Variants in CYYR1 observed in about 807,000 individuals in gnomAD.
CYYR1 encodes the protein cysteine and tyrosine rich 1, also known as cysteine and tyrosine-rich protein 1.
Under a neutral mutation model 15.2 loss-of-function variants are expected in CYYR1, and 14 were observed. The ratio of observed to expected loss-of-function variants is 0.92; its 90% confidence interval spans 0.61 to 1.44. CYYR1 has a LOEUF of 1.44. Ranked by LOEUF, CYYR1 falls within the 40% of genes most tolerant of loss-of-function variation. The pLI is 0.00. For synonymous variants in CYYR1, 80 were observed against 77.4 expected (o/e 1.03, Z -0.18); for missense variants, 228 against 209.5 (o/e 1.09, Z -0.54).
Position 26,525,476 on chromosome 21 carries a change from C to T in CYYR1, c.176+40790G>A, listed in dbSNP as rs1302458640. ...GAGCTGAGGACTTTGGAATTTAGTT[C>T]CTGCTGCCCCTGCCGCCTTCCTTCC... On this transcript the variant is annotated intron_variant, in intron 2 of 3. Transcript: ENST00000652641. Among the ~76,000 whole-genome samples, 3 of 152,132 alleles carry T rather than the reference C, an allele frequency of 2.0e-5. No homozygotes were observed. The East Asian group carries it at 5.8e-4, about 29-fold the overall frequency.
intron 2 of CYYR1, among the ~76,000 whole-genome samples, chr21:26,487,916 C>CAAAAAAAA (rs3085022): frequency 7.0e-6 from 1 of 143,190 alleles, no homozygotes; most frequent in Non-Finnish European, 1.5e-5. Context: ...ACATTACTTG[C>CAAAAAAAA]AAAAAAAAAA....
chr21:26,493,168 T>C (rs1475480094), intron 2 of CYYR1, among the ~76,000 whole-genome samples: 1 of 151,944 alleles, frequency 6.6e-6, no homozygotes, highest in Non-Finnish European at 1.5e-5. Context: ...AACAGAGAGG[T>C]AAGGCTGGAG....
At chr21:26,522,031 T>C (rs1334660298) in intron 2 of CYYR1, among the ~76,000 whole-genome samples, 2 of 152,240 alleles carry the variant, frequency 1.3e-5, no homozygotes, top group Admixed American at 1.3e-4. Flanking sequence ...CAGTTTTACA[T>C]TGATGTTGTG....
intron 2 of CYYR1, among the ~76,000 whole-genome samples, chr21:26,505,283 A>G (rs1260046510): frequency 6.6e-6 from 1 of 152,122 alleles, no homozygotes; most frequent in Admixed American, 6.6e-5. Context: ...TTCCCTCCAA[A>G]AATTGTTATC....
At chr21:26,546,947 T>C (rs1401073965) in intron 2 of CYYR1, among the ~76,000 whole-genome samples, 1 of 152,140 alleles carries the variant, frequency 6.6e-6, no homozygotes, top group Non-Finnish European at 1.5e-5. Context: ...AAATGCCAGC[T>C]TCCCAGCATC....
At chr21:26,529,223 T>A (rs2065900253) in intron 2 of CYYR1, among the ~76,000 whole-genome samples, 1 of 152,210 alleles carries the variant, frequency 6.6e-6, no homozygotes, top group Non-Finnish European at 1.5e-5. Context: ...AATAGAAGCA[T>A]GTCTAGCTCA....
At position 26,468,007 on chromosome 21, in the gene CYYR1, A is replaced by T. The variant is rs1332646344; in HGVS notation, c.*494T>A. 5.9e-6 allele frequency: 1 copy of T among 170,450 alleles called. No individual in the cohort carries two copies. Among genetic ancestry groups the T allele is most frequent in the Non-Finnish European group, 1.3e-5 (1 of 78,094 alleles). The allele number at this position is 170,450 out of a possible 1,614,324, so 10.6% of individuals were successfully genotyped here. A position where few individuals can be genotyped will look rare whatever the true frequency, so the allele number is the denominator to read the frequency against. On this transcript the variant is annotated 3_prime_UTR_variant, in exon 4 of 4. Coordinates refer to ENST00000652641, the MANE Select transcript of CYYR1 (RefSeq NM_001320768.2). ...TGTAACTTCCATCAGGACCTCAAAC[A>T]GTGCTAGGCACATAGTAAACTCTTA... is the stretch of plus-strand genomic sequence containing the variant.
intron 2 of CYYR1, among the ~76,000 whole-genome samples, chr21:26,552,293 T>C (rs1024842001): frequency 6.6e-5 from 10 of 152,204 alleles, no homozygotes; most frequent in Non-Finnish European, 1.3e-4. Context: ...CTGCAAGGTA[T>C]AATTGTACTT....
At chr21:26,528,452 C>T (rs1390803975) in intron 2 of CYYR1, among the ~76,000 whole-genome samples, 1 of 152,110 alleles carries the variant, frequency 6.6e-6, no homozygotes, top group South Asian at 2.1e-4. Context: ...TTAAAGGAGA[C>T]TGGCTCCTTC....
At chr21:26,540,381 C>G (rs1259419281) in intron 2 of CYYR1, among the ~76,000 whole-genome samples, 2 of 152,114 alleles carry the variant, frequency 1.3e-5, no homozygotes, top group Non-Finnish European at 2.9e-5. Context: ...TTAGCTAAAT[C>G]CCGAACAGAA....
intron 2 of CYYR1, among the ~76,000 whole-genome samples, chr21:26,501,907 A>C (rs2065486332): frequency 6.6e-6 from 1 of 152,218 alleles, no homozygotes; most frequent in African/African-American, 2.4e-5. Flanking sequence ...TATCTTAATG[A>C]ATGTGGATAA....
At chr21:26,482,547 A>C (rs776871369) in intron 2 of CYYR1, 255 of 981,358 alleles carry the variant, frequency 2.6e-4, no homozygotes, top group Non-Finnish European at 3.0e-4. Flanking sequence ...ATTCTTGGTG[A>C]ACTGCATTGT....
At position 26,477,984 on chromosome 21, in the gene CYYR1, G is replaced by A. The variant is rs549859556; in HGVS notation, c.334+2288C>T. 306 of 1,508,050 alleles carry A rather than the reference G, an allele frequency of 2.0e-4. 3 individuals are homozygous for A. The South Asian group carries it at 3.9e-3, about 19-fold the overall frequency. 93.4% of individuals were successfully genotyped at this position (1,508,050 alleles called of 1,614,324 possible). On this transcript the variant is annotated intron_variant, in intron 3 of 3. Transcript: ENST00000652641. ...TGAAACTTAAAGTCAATTCCCTAGGGTATTGATATATGATTAATTCAGGTC... is the reference window on the plus strand; with the variant it reads ...TGAAACTTAAAGTCAATTCCCTAGGATATTGATATATGATTAATTCAGGTC...
chr21:26,509,254 G>T (rs983444859), intron 2 of CYYR1, among the ~76,000 whole-genome samples: 1 of 152,070 alleles, frequency 6.6e-6, no homozygotes, highest in Non-Finnish European at 1.5e-5. Flanking sequence ...TCAAATGCTC[G>T]ACAATTCCCT....
intron 2 of CYYR1, among the ~76,000 whole-genome samples, chr21:26,489,345 C>A (rs115843198): frequency 2.7e-3 from 411 of 152,192 alleles, no homozygotes; most frequent in African/African-American, 9.4e-3. Context: ...ATGGTAAATG[C>A]TTTGATTGAT....
intron 2 of CYYR1, among the ~76,000 whole-genome samples, chr21:26,540,818 T>C (rs964555577): frequency 3.9e-5 from 6 of 152,128 alleles, no homozygotes; most frequent in African/African-American, 1.4e-4. Context: ...GATCCTGAAA[T>C]GAACCAGATG....
At chr21:26,495,666 C>T (rs954733336) in intron 2 of CYYR1, among the ~76,000 whole-genome samples, 1 of 152,134 alleles carries the variant, frequency 6.6e-6, no homozygotes, top group East Asian at 1.9e-4. Context: ...GTCACACAGC[C>T]GTGACTTGAG....
At chr21:26,537,729 T>A (rs1407302114) in intron 2 of CYYR1, among the ~76,000 whole-genome samples, 1 of 152,140 alleles carries the variant, frequency 6.6e-6, no homozygotes, top group Admixed American at 6.6e-5. Flanking sequence ...GTGAGTGCTA[T>A]GGTCCGAATA....
intron 2 of CYYR1, among the ~76,000 whole-genome samples, chr21:26,503,091 A>G (rs1431457306): frequency 2.0e-5 from 3 of 152,116 alleles, no homozygotes; most frequent in Non-Finnish European, 4.4e-5. Context: ...ACAGGGCTCA[A>G]TTTTAGAGCT....
Sources: gnomAD v4.1 joint callset for allele counts (sites outside exome capture counted in the v4.1 genomes callset) on GRCh38, gnomAD v4.1.1 for gene constraint, MANE v1.5 for transcripts, NCBI Gene and HGNC (gene_info 2026-07-23, HGNC 2026-07-21) for gene names.